AGFG1: variants seen among roughly 807,000 people sequenced by gnomAD.
The protein encoded by AGFG1 is arf-GAP domain and FG repeat-containing protein 1.
In AGFG1, 10 loss-of-function variants were observed where a neutral mutation model predicts 60.6. That is an observed-to-expected ratio of 0.16 (90% confidence interval 0.10 to 0.28). The LOEUF is 0.28. AGFG1 is among the 10% of genes least tolerant of loss of function. The pLI is 1.00. For missense variants in AGFG1, 537 were observed against 676.5 expected, an observed-to-expected ratio of 0.79 and a Z score of 2.29; for synonymous variants, 247 against 242.9, an observed-to-expected ratio of 1.02 and a Z score of -0.16.
intron 2 of AGFG1, among the ~76,000 whole-genome samples, chr2:227,497,859 C>T (rs1390540287): frequency 6.7e-6 from 1 of 149,814 alleles, no homozygotes; most frequent in Non-Finnish European, 1.5e-5. Context: ...ATTCTCCTGC[C>T]TCAGCCTCCC....
chr2:227,503,201 A>G (rs545041634), intron 2 of AGFG1, among the ~76,000 whole-genome samples: 1 of 151,774 alleles, frequency 6.6e-6, no homozygotes, highest in Non-Finnish European at 1.5e-5. Context: ...GCACCACTGC[A>G]TTCTAGCCTG....
At chr2:227,483,004 A>T (rs1481154972) in intron 1 of AGFG1, among the ~76,000 whole-genome samples, 2 of 151,160 alleles carry the variant, frequency 1.3e-5, no homozygotes, top group Non-Finnish European at 2.9e-5. Context: ...TTTTGCACAA[A>T]ACTGAAGACT....
Position 227,497,740 on chromosome 2 carries a change from T to G in AGFG1, c.261+6100T>G, listed in dbSNP as rs1025429083. On this transcript the variant is annotated intron_variant, in intron 2 of 12. Transcript: ENST00000310078. ...ATGAGTTTCTTTCTTGTTTTGTTTT[T>G]TTTTTTTTTTTTTTTTTTTTTGGGG... Among the ~76,000 whole-genome samples, 160 of 112,716 alleles carry G rather than the reference T, an allele frequency of 1.4e-3. 30 individuals carry two copies. In the South Asian group the frequency reaches 0.016, roughly 11 times the overall value. The allele number at this position is 112,716 out of a possible 152,430, so 73.9% of individuals were successfully genotyped here.
chr2:227,472,899 T>C (rs984100006), intron 1 of AGFG1, among the ~76,000 whole-genome samples: 2 of 148,276 alleles, frequency 1.3e-5, no homozygotes, highest in Non-Finnish European at 3.0e-5. Flanking sequence ...GCGTCCCTGG[T>C]CTCCGTCGAG....
rs1691548468 is a variant in AGFG1, at chr2:227,513,306, C to G, written c.262-6642C>G. ...TGCACTTCTCACTCCAGTCTTTTCC[C>G]TGCTCTGGCTCCAAGCAGCTGGTCT... On this transcript the variant is annotated intron_variant, in intron 2 of 12. Coordinates refer to ENST00000310078, the MANE Select transcript of AGFG1 (RefSeq NM_004504.5). Among the ~76,000 whole-genome samples, 3 of 152,320 alleles carry G rather than the reference C, an allele frequency of 2.0e-5. No individual in the cohort carries two copies. The South Asian group carries it at 6.2e-4, about 32-fold the overall frequency.
chr2:227,475,536 A>G (rs1690255980), intron 1 of AGFG1, among the ~76,000 whole-genome samples: 1 of 152,244 alleles, frequency 6.6e-6, no homozygotes, highest in South Asian at 2.1e-4. Context: ...GTGCAGGAAA[A>G]TAATTTAGGA....
chr2:227,481,656 C>A (rs947489310), intron 1 of AGFG1, among the ~76,000 whole-genome samples: 1 of 152,160 alleles, frequency 6.6e-6, no homozygotes, highest in Non-Finnish European at 1.5e-5. Flanking sequence ...TGTTCTCTGA[C>A]GCTCTGTTTA....
Position 227,544,178 on chromosome 2 carries a change from G to A in AGFG1, c.1378+7185G>A, listed in dbSNP as rs192240066. Among the ~76,000 whole-genome samples, 190 of 134,870 alleles carry A rather than the reference G, an allele frequency of 1.4e-3. 3 individuals carry two copies. The East Asian group carries it at 0.036, about 25-fold the overall frequency. The allele number at this position is 134,870 out of a possible 152,430, so 88.5% of individuals were successfully genotyped here. A position where few individuals can be genotyped will look rare whatever the true frequency, so the allele number is the denominator to read the frequency against. On this transcript the variant is annotated intron_variant, in intron 10 of 12. Coordinates refer to ENST00000310078, the MANE Select transcript of AGFG1 (RefSeq NM_004504.5). ...TTTTTTTTTTTTTTTTTTTTGAGAC[G>A]GAGTCTCGCTTTGTCACCCAGCCTG... is the stretch of plus-strand genomic sequence containing the variant.
chr2:227,540,910 TC>T (rs1387125101), intron 10 of AGFG1, among the ~76,000 whole-genome samples: 2 of 152,210 alleles, frequency 1.3e-5, no homozygotes, highest in Non-Finnish European at 2.9e-5. Flanking sequence ...AGATAGTATC[TC>T]ATTGTAGTTT....
chr2:227,560,947 A>G lies in AGFG1; in HGVS notation c.*6452A>G, dbSNP rs1169741856. ...CTTTAAATCCTAGGAATAGGGAACAAGGAAACTTACTGGGAAGTTCAAAAG... is the reference window on the plus strand; with the variant it reads ...CTTTAAATCCTAGGAATAGGGAACAGGGAAACTTACTGGGAAGTTCAAAAG... On this transcript the variant is annotated 3_prime_UTR_variant, in exon 13 of 13. Coordinates refer to ENST00000310078, the MANE Select transcript of AGFG1 (RefSeq NM_004504.5). 1 of 152,218 alleles carries G rather than the reference A, an allele frequency of 6.6e-6. No individual in the cohort carries two copies. The highest frequency in any genetic ancestry group is 6.5e-5 in the Admixed American group (1 of 15,286). 9.4% of individuals were successfully genotyped at this position (152,218 alleles called of 1,614,324 possible).
chr2:227,484,820 C>T (rs1277420458), intron 1 of AGFG1, among the ~76,000 whole-genome samples: 4 of 151,212 alleles, frequency 2.6e-5, no homozygotes, highest in African/African-American at 9.7e-5. Context: ...CTTCCTGCCT[C>T]AGCCTCCCCA....
intron 10 of AGFG1, among the ~76,000 whole-genome samples, chr2:227,540,846 C>T (rs1038143814): frequency 1.3e-5 from 2 of 152,210 alleles, no homozygotes; most frequent in African/African-American, 4.8e-5. Flanking sequence ...TCCACATCCT[C>T]TCCAGCATCT....
intron 10 of AGFG1, among the ~76,000 whole-genome samples, chr2:227,547,648 C>A (rs575104649): frequency 6.6e-6 from 1 of 152,136 alleles, no homozygotes; most frequent in African/African-American, 2.4e-5. Context: ...ATAGACATTT[C>A]TCTAAGAAGG....
chr2:227,526,736 G>A lies in AGFG1; in HGVS notation c.694+1821G>A, dbSNP rs191988510. The stretch of plus-strand genomic sequence containing the variant: ...TTTTGTGTTTTTTAGTAAAGATGGG[G>A]TTTCACCATGTTGACCAGGCTGGTC... On this transcript the variant is annotated intron_variant, in intron 5 of 12. Coordinates refer to ENST00000310078, the MANE Select transcript of AGFG1 (RefSeq NM_004504.5). 2.5e-3 allele frequency among the ~76,000 whole-genome samples: 373 copies of A among 151,190 alleles called. 3 individuals are homozygous for A. Among genetic ancestry groups the A allele is most frequent in the African/African-American group, 8.4e-3 (347 of 41,110 alleles).
chr2:227,536,568 C>A (rs1213291396), intron 8 of AGFG1, 57 bp from the exon 9 acceptor site: 3 of 1,454,922 alleles, frequency 2.1e-6, no homozygotes, highest in Non-Finnish European at 1.9e-6. Context: ...CCCTGTAAAT[C>A]GTTACTTTCT....
At chr2:227,512,733 CA>C (rs1691533059) in intron 2 of AGFG1, among the ~76,000 whole-genome samples, 1 of 152,106 alleles carries the variant, frequency 6.6e-6, no homozygotes, top group African/African-American at 2.4e-5. Flanking sequence ...ACTTGTTCAT[CA>C]AATTTTCAGT....
Position 227,529,916 on chromosome 2 carries a change from T to C in AGFG1, c.695-1175T>C, listed in dbSNP as rs189661995. On this transcript the variant is annotated intron_variant, in intron 5 of 12. Coordinates refer to ENST00000310078, the MANE Select transcript of AGFG1 (RefSeq NM_004504.5). ...TTTAATAAGAGAAGCTAGAAGTCTT[T>C]TTGTTTATTGTGAAGTGCCCTCTTT... 7.5e-3 allele frequency among the ~76,000 whole-genome samples: 1,144 copies of C among 152,088 alleles called. 6 individuals carry two copies. Among genetic ancestry groups the C allele is most frequent in the Non-Finnish European group, 0.013 (855 of 67,950 alleles).
rs1370815700 is a variant in AGFG1 at position 227,477,773 on chromosome 2, AT to A, written c.167+5193del. On this transcript the variant is annotated intron_variant, in intron 1 of 12. Coordinates refer to ENST00000310078, the MANE Select transcript of AGFG1 (RefSeq NM_004504.5). ...GGCATGCACCACCATGCCTGGCTAA[AT>A]TTTTTTTGTATTTTTAGTAGAGATG... Among the ~76,000 whole-genome samples, 5 of 151,150 alleles carry A rather than the reference AT, an allele frequency of 3.3e-5. No individual in the cohort carries two copies. In the East Asian group the frequency reaches 9.8e-4, roughly 29 times the overall value.
chr2:227,526,539 CTTTTT>C (rs777649930), intron 5 of AGFG1, among the ~76,000 whole-genome samples: 1 of 92,482 alleles, frequency 1.1e-5, no homozygotes. Context: ...TGCCCAGCCT[CTTTTT>C]TTTTTTTTTT....
Sources: gnomAD v4.1 joint callset for allele counts (sites outside exome capture counted in the v4.1 genomes callset) on GRCh38, gnomAD v4.1.1 for gene constraint, MANE v1.5 for transcripts, NCBI Gene and HGNC (gene_info 2026-07-23, HGNC 2026-07-21) for gene names.